PWWP2A: variants seen among roughly 807,000 people sequenced by gnomAD.
PWWP2A encodes PWWP domain containing 2A, also known as PWWP domain-containing protein 2A.
PWWP2A carries 18 observed loss-of-function variants against 48.5 expected under a neutral mutation model. The observed-to-expected ratio is 0.37, with a 90% CI of 0.26 to 0.55. The LOEUF is 0.55. Ranked by LOEUF, PWWP2A falls within the 20% of genes least tolerant of loss-of-function variation. The pLI is 0.81. For synonymous variants in PWWP2A, 396 were observed against 387.7 expected, an observed-to-expected ratio of 1.02 and a Z score of -0.25; for missense variants, 867 against 976.4, an observed-to-expected ratio of 0.89 and a Z score of 1.49.
intron 4 of PWWP2A, chr5:160,065,498 A>G (rs942732551): frequency 4.6e-6 from 2 of 433,236 alleles, no homozygotes; most frequent in African/African-American, 4.1e-5. Context: ...GGCTGCCTCC[A>G]GCATTTCCTG....
chr5:160,096,938 G>C lies in PWWP2A; in HGVS notation c.585-2873C>G, dbSNP rs112521095. ...GAAACACTATTTCTGACCTTAAAAG[G>C]ATTCAGATAAAGATCAATAGGTGAA... On this transcript the variant is annotated intron_variant, in intron 1 of 1. Transcript: ENST00000307063. 9.0e-3 allele frequency among the ~76,000 whole-genome samples: 1,367 copies of C among 152,044 alleles called. 19 individuals are homozygous for C. The highest frequency in any genetic ancestry group is 0.031 in the African/African-American group (1,299 of 41,524).
chr5:160,099,553 C>G (rs900242301), intron 1 of PWWP2A, among the ~76,000 whole-genome samples: 1 of 152,032 alleles, frequency 6.6e-6, no homozygotes, highest in African/African-American at 2.4e-5. Context: ...TCTTGAACTC[C>G]TGGGCTCAAG....
rs1483884948 is a variant in PWWP2A at position 160,077,013 on chromosome 5, T to C, written c.*1142A>G. 1 of 152,180 alleles carries C rather than the reference T, an allele frequency of 6.6e-6. No individual in the cohort carries two copies. Among genetic ancestry groups the C allele is most frequent in the Non-Finnish European group, 1.5e-5 (1 of 68,044 alleles). The allele number at this position is 152,180 out of a possible 1,614,324, so 9.4% of individuals were successfully genotyped here. A position where few individuals can be genotyped will look rare whatever the true frequency, so the allele number is the denominator to read the frequency against. On this transcript the variant is annotated 3_prime_UTR_variant, in exon 4 of 4. Transcript: ENST00000456329. This position sits in a 1 kb window ranked among gnomAD's most constrained non-coding sequence, Gnocchi z 4.2. ...AAAATGTAGTACTAACAGGTCCATC[T>C]GGTTTTCTCATGTTTTCTCCATTCA...
chr5:160,076,185 A>G (rs905139148), exon 4 of PWWP2A: 9 of 149,750 alleles, frequency 6.0e-5, no homozygotes, highest in Non-Finnish European at 1.2e-4. Context: ...ATGCCATGAG[A>G]AAAAAAAAAT....
the PWWP2A span, among the ~76,000 whole-genome samples, chr5:160,055,295 A>G: frequency 6.6e-6 from 1 of 152,204 alleles, no homozygotes; most frequent in Non-Finnish European, 1.5e-5. Context: ...ATCTCAGCTT[A>G]TTGAACTATA....
the PWWP2A span, among the ~76,000 whole-genome samples, chr5:160,054,040 GA>G: frequency 6.6e-6 from 1 of 152,194 alleles, no homozygotes; most frequent in Non-Finnish European, 1.5e-5. Flanking sequence ...ATCACTTGAG[GA>G]AAGTGGTCAG....
intron 4 of PWWP2A, chr5:160,065,648 A>G: frequency 3.2e-6 from 1 of 311,792 alleles, no homozygotes. Context: ...CTGATTCCAG[A>G]TTCCACAGAT....
chr5:160,069,584 G>A (rs1753694329), intron 2 of PWWP2A, among the ~76,000 whole-genome samples: 2 of 152,214 alleles, frequency 1.3e-5, no homozygotes, highest in Admixed American at 6.5e-5. Flanking sequence ...TCTGTAGGCT[G>A]AGCACAGTGG....
Position 160,116,385 on chromosome 5 carries a change from G to A in PWWP2A, c.584+2420C>T, listed in dbSNP as rs144242907. 1.2e-3 allele frequency among the ~76,000 whole-genome samples: 189 copies of A among 152,306 alleles called. 1 individual carries two copies. Among genetic ancestry groups the A allele is most frequent in the African/African-American group, 4.3e-3 (179 of 41,566 alleles). ...GCAAGAGAATTGCTTCAGCCCGGGA[G>A]GCGGAGGTTGCAGTGAGCCGAGATC... On this transcript the variant is annotated intron_variant, in intron 1 of 1. Coordinates refer to ENST00000307063, the MANE Select transcript of PWWP2A (RefSeq NM_001130864.2).
chr5:160,076,307 C>T (rs1199552433), exon 4 of PWWP2A: 1 of 152,182 alleles, frequency 6.6e-6, no homozygotes, highest in African/African-American at 2.4e-5. Flanking sequence ...AATTAAAAAT[C>T]TTGATTATAC....
chr5:160,049,875 C>T, the PWWP2A span, among the ~76,000 whole-genome samples: 3 of 151,742 alleles, frequency 2.0e-5, no homozygotes, highest in African/African-American at 7.3e-5. Context: ...GCCAGGAGCT[C>T]GAGACCAGCC....
rs1755310999 is a variant in PWWP2A, at chr5:160,093,609, T to C, written c.1041A>G (p.Lys347=). ...CATTTCTCCGTTTTTTATCTTCATATTTAGAAGAGTCAGTTGCACTACTAC... is the reference window on the plus strand; with the variant it reads ...CATTTCTCCGTTTTTTATCTTCATACTTAGAAGAGTCAGTTGCACTACTAC... ...RKGSSATDSS[K]YEDKKRRNES... Residue 347 remains lysine (K), a synonymous_variant, in exon 2 of 2, where the codon AAA becomes AAG. Transcript: ENST00000307063. This position sits in a 1 kb window ranked among gnomAD's most constrained non-coding sequence, Gnocchi z 5.8. 6.2e-7 allele frequency: 1 copy of C among 1,613,768 alleles called. No homozygotes were observed. The highest frequency in any genetic ancestry group is 8.5e-7 in the Non-Finnish European group (1 of 1,179,832).
chr5:160,112,019 T>G (rs554806134), intron 1 of PWWP2A, among the ~76,000 whole-genome samples: 30 of 148,136 alleles, frequency 2.0e-4, no homozygotes, highest in African/African-American at 7.5e-4. Context: ...TGCAGCTATT[T>G]GGGAGGCTGA....
downstream of PWWP2A, among the ~76,000 whole-genome samples, chr5:160,074,746 C>CA (rs1159772601): frequency 3.1e-4 from 45 of 144,384 alleles, no homozygotes; most frequent in South Asian, 8.8e-4. Context: ...GACTCCGTCT[C>CA]AAAAAAACAA....
chr5:160,066,426 A>G (rs1322462137), intron 4 of PWWP2A: 2 of 150,560 alleles, frequency 1.3e-5, no homozygotes, highest in African/African-American at 2.5e-5. Context: ...CCTCCAGAGT[A>G]GCTGGGATTA....
chr5:160,086,809 T>C (rs1324050085), downstream of PWWP2A, among the ~76,000 whole-genome samples: 2 of 152,202 alleles, frequency 1.3e-5, no homozygotes, highest in African/African-American at 2.4e-5. Context: ...ATTGTGAATA[T>C]GGAAGTCATT....
intron 1 of PWWP2A, among the ~76,000 whole-genome samples, chr5:160,097,133 T>C (rs956699623): frequency 2.7e-5 from 4 of 150,672 alleles, no homozygotes; most frequent in Non-Finnish European, 5.9e-5. Context: ...GCCCAGGAGT[T>C]TGAGACCAGC....
chr5:160,051,231 G>T, the PWWP2A span: 1 of 1,501,930 alleles, frequency 6.7e-7, no homozygotes, highest in South Asian at 1.2e-5. Flanking sequence ...TAGGAACCTA[G>T]GGTGGGGACA....
At chr5:160,099,527 A>G (rs953156821) in intron 1 of PWWP2A, among the ~76,000 whole-genome samples, 7 of 152,240 alleles carry the variant, frequency 4.6e-5, no homozygotes, top group African/African-American at 1.7e-4. Flanking sequence ...TGGTCTCCCT[A>G]TGTCGCCCAG....
Sources: gnomAD v4.1 joint callset for allele counts (sites outside exome capture counted in the v4.1 genomes callset) on GRCh38, gnomAD v4.1.1 for gene constraint, Gnocchi (gnomAD v3.1) non-coding constraint, MANE v1.5 for transcripts, NCBI Gene and HGNC (gene_info 2026-07-23, HGNC 2026-07-21) for gene names.